Variants in AHCYL2 observed in about 807,000 individuals in gnomAD.
AHCYL2 encodes adenosylhomocysteinase like 2.
AHCYL2 carries 28 observed loss-of-function variants against 81.4 expected under a neutral mutation model. The observed-to-expected ratio is 0.34, with a 90% CI of 0.25 to 0.47. The LOEUF is 0.47. Ranked by LOEUF, AHCYL2 falls within the 20% of genes least tolerant of loss-of-function variation. The pLI, the probability that AHCYL2 is intolerant of heterozygous loss-of-function variation, is 1.00. For missense variants in AHCYL2, 551 were observed against 785.1 expected, an observed-to-expected ratio of 0.70 and a Z score of 3.56; for synonymous variants, 272 against 290.2, an observed-to-expected ratio of 0.94 and a Z score of 0.64.
intron 1 of AHCYL2, among the ~76,000 whole-genome samples, chr7:129,354,908 A>G (rs1430632222): frequency 6.6e-6 from 1 of 152,202 alleles, no homozygotes; most frequent in Non-Finnish European, 1.5e-5. Flanking sequence ...GCGAGTGAAC[A>G]CAGCAGCACA....
intron 1 of AHCYL2, among the ~76,000 whole-genome samples, chr7:129,333,741 C>T (rs1453681717): frequency 6.6e-6 from 1 of 152,160 alleles, no homozygotes; most frequent in African/African-American, 2.4e-5. Flanking sequence ...TCAGATGGTC[C>T]AGTTCATCCT....
At chr7:129,388,311 A>G (rs1458924662) in intron 2 of AHCYL2, 1 of 152,226 alleles carries the variant, frequency 6.6e-6, no homozygotes, top group East Asian at 1.9e-4. Context: ...TAGTAGTAGC[A>G]GCAGCTGCCT....
At chr7:129,349,949 T>C (rs1793499118) in intron 1 of AHCYL2, among the ~76,000 whole-genome samples, 1 of 152,232 alleles carries the variant, frequency 6.6e-6, no homozygotes, top group Non-Finnish European at 1.5e-5. Context: ...TCATAGTTCT[T>C]ATTTATGAAA....
chr7:129,324,758 ACCTG>A lies in AHCYL2; in HGVS notation c.364-54876_364-54873del, dbSNP rs1378951788. Among the ~76,000 whole-genome samples, 4 of 151,878 alleles carry A rather than the reference ACCTG, an allele frequency of 2.6e-5. No homozygotes were observed. The East Asian group carries it at 7.8e-4, about 30-fold the overall frequency. On this transcript the variant is annotated intron_variant, in intron 1 of 16. Transcript: ENST00000325006. ...TCTCAATCTCCTGACCTCGTGATCCACCTGCCTCAGCCTCCCAAAGTGCTGGGAT... is the reference window on the plus strand; with the variant it reads ...TCTCAATCTCCTGACCTCGTGATCCACCTCAGCCTCCCAAAGTGCTGGGAT...
intron 1 of AHCYL2, among the ~76,000 whole-genome samples, chr7:129,342,812 C>T (rs570817260): frequency 1.3e-5 from 2 of 152,268 alleles, no homozygotes; most frequent in Admixed American, 6.5e-5. Context: ...TTGTTGACAT[C>T]ATCTTGTGCT....
chr7:129,374,536 A>G (rs4731571), intron 1 of AHCYL2, among the ~76,000 whole-genome samples: 95,691 of 151,418 alleles, frequency 0.63, 30,995 homozygotes, highest in East Asian at 0.96. Context: ...GGCTGGGTAC[A>G]GTGGCTCATG....
intron 1 of AHCYL2, among the ~76,000 whole-genome samples, chr7:129,250,229 C>T (rs1187220465): frequency 6.6e-6 from 1 of 152,184 alleles, no homozygotes; most frequent in African/African-American, 2.4e-5. Context: ...GCTATTATTG[C>T]ACCACTGCAC....
At chr7:129,267,981 G>A (rs1795876349) in intron 1 of AHCYL2, among the ~76,000 whole-genome samples, 1 of 152,144 alleles carries the variant, frequency 6.6e-6, no homozygotes, top group African/African-American at 2.4e-5. Flanking sequence ...AGAAAAAAGA[G>A]GATGAGGGGA....
At chr7:129,413,265 C>T (rs1185586619) in intron 11 of AHCYL2, among the ~76,000 whole-genome samples, 1 of 151,786 alleles carries the variant, frequency 6.6e-6, no homozygotes, top group Non-Finnish European at 1.5e-5. Flanking sequence ...CCTCAGCCTC[C>T]TAAGTAGCTG....
At chr7:129,425,561 C>G (rs1464787188) in intron 15 of AHCYL2, among the ~76,000 whole-genome samples, 1 of 152,186 alleles carries the variant, frequency 6.6e-6, no homozygotes, top group Non-Finnish European at 1.5e-5. Flanking sequence ...ACTACACCTT[C>G]CAACACCAAT....
At chr7:129,236,869 C>T (rs1256391963) in intron 1 of AHCYL2, among the ~76,000 whole-genome samples, 1 of 151,946 alleles carries the variant, frequency 6.6e-6, no homozygotes, top group Non-Finnish European at 1.5e-5. Context: ...TCTTGTAATT[C>T]CCTGTTCATA....
chr7:129,333,273 C>T (rs916363438), intron 1 of AHCYL2, among the ~76,000 whole-genome samples: 3 of 140,664 alleles, frequency 2.1e-5, no homozygotes, highest in Non-Finnish European at 4.5e-5. Flanking sequence ...AGTTCAACAT[C>T]AGCCCTGGCA....
intron 1 of AHCYL2, among the ~76,000 whole-genome samples, chr7:129,361,143 A>G (rs1291759103): frequency 6.6e-6 from 1 of 152,222 alleles, no homozygotes; most frequent in East Asian, 1.9e-4. Context: ...AAAAGCACCG[A>G]TTTAGACAGA....
intron 10 of AHCYL2, among the ~76,000 whole-genome samples, chr7:129,408,601 A>G (rs1021369616): frequency 6.6e-6 from 1 of 152,238 alleles, no homozygotes; most frequent in Non-Finnish European, 1.5e-5. Flanking sequence ...ATGAGGTGCT[A>G]TCCAGTGGCT....
chr7:129,410,153 G>A, intron 11 of AHCYL2: 1 of 1,599,820 alleles, frequency 6.3e-7, no homozygotes, highest in Non-Finnish European at 8.5e-7. Flanking sequence ...ACGATTATTG[G>A]GCTTGGGTTG....
In AHCYL2 at chr7:129,426,258, C is replaced by T. The variant is rs1330454324; in HGVS notation, c.1709-185C>T. On this transcript the variant is annotated intron_variant, in intron 15 of 16. Transcript: ENST00000325006. The surrounding 1 kb of genome is among the most constrained non-coding windows in gnomAD (Gnocchi z 4.3). ...TGAATTATTAAGGCTTTGGAAAGCA[C>T]TGGGCTTGAAGCTGAAGGCAGCTAT... is the stretch of plus-strand genomic sequence containing the variant. Among the ~76,000 whole-genome samples the T allele has an allele frequency of 6.6e-6, 1 of 152,222 alleles. No homozygotes were observed. Among genetic ancestry groups the T allele is most frequent in the Non-Finnish European group, 1.5e-5 (1 of 68,040 alleles).
chr7:129,318,881 C>T (rs565358647), intron 1 of AHCYL2, among the ~76,000 whole-genome samples: 6 of 151,434 alleles, frequency 4.0e-5, no homozygotes, highest in African/African-American at 1.5e-4. Context: ...GATTTTGGTA[C>T]ACCCATCACC....
intron 1 of AHCYL2, among the ~76,000 whole-genome samples, chr7:129,356,016 T>C (rs1056074139): frequency 1.3e-5 from 2 of 152,182 alleles, no homozygotes; most frequent in East Asian, 1.9e-4. Flanking sequence ...TGGATACATA[T>C]TTGAATGTGT....
At chr7:129,318,377 G>A (rs1211507974) in intron 1 of AHCYL2, among the ~76,000 whole-genome samples, 1 of 152,190 alleles carries the variant, frequency 6.6e-6, no homozygotes, top group African/African-American at 2.4e-5. Flanking sequence ...CTACAGGCAT[G>A]TGCCACTGTG....
Sources: gnomAD v4.1 joint callset for allele counts (sites outside exome capture counted in the v4.1 genomes callset) on GRCh38, gnomAD v4.1.1 for gene constraint, Gnocchi (gnomAD v3.1) non-coding constraint, MANE v1.5 for transcripts, NCBI Gene and HGNC (gene_info 2026-07-23, HGNC 2026-07-21) for gene names.